The following LAMA3 variants were observed in gnomAD, a reference collection of about 807,000 sequenced individuals.
The protein encoded by LAMA3 is laminin subunit alpha-3.
LAMA3 carries 281 observed loss-of-function variants against 402.0 expected under a neutral mutation model. That is an observed-to-expected ratio of 0.70 (90% confidence interval 0.63 to 0.77). The LOEUF (loss-of-function observed/expected upper bound fraction) is 0.77, where lower values mean the gene tolerates loss of function less well. Ranked by LOEUF, LAMA3 falls within the 30% of genes least tolerant of loss-of-function variation. The pLI is 0.00. For missense variants in LAMA3, 3,840 were observed against 4,215.5 expected, an observed-to-expected ratio of 0.91 and a Z score of 2.47; for synonymous variants, 1,431 against 1,558.4, an observed-to-expected ratio of 0.92 and a Z score of 1.93.
rs1555708549 is a variant in LAMA3 at position 23,839,930 on chromosome 18, G to A, written c.3336+1G>A. On this transcript the variant is annotated splice_donor_variant, in intron 27 of 74. Transcript: ENST00000313654. LOFTEE classifies it high-confidence loss of function. The surrounding 1 kb of genome is among the most constrained non-coding windows in gnomAD (Gnocchi z 4.5). Reference sequence around the variant, plus strand: ...TGGGGTCACCTTGAAGGCACCGCAGGTAGTGTGCTGTTTCTAAACCAGTGG... The same window carrying A: ...TGGGGTCACCTTGAAGGCACCGCAGATAGTGTGCTGTTTCTAAACCAGTGG... The A allele has an allele frequency of 6.2e-7, 1 of 1,614,126 alleles. No individual in the cohort carries two copies. Among genetic ancestry groups the A allele is most frequent in the Non-Finnish European group, 8.5e-7 (1 of 1,180,004 alleles).
intron 36 of LAMA3, 21 bp downstream of exon 36, chr18:23,864,904 T>G (rs779348632): frequency 2.2e-5 from 34 of 1,520,076 alleles, no homozygotes; most frequent in East Asian, 1.3e-4. Context: ...GAGCATGACC[T>G]AAGTGGCAGG....
intron 12 of LAMA3, among the ~76,000 whole-genome samples, chr18:23,802,193 T>C (rs2062877725): frequency 6.6e-6 from 1 of 152,242 alleles, no homozygotes; most frequent in South Asian, 2.1e-4. Flanking sequence ...TCAGGTATAA[T>C]GCAAATATTC....
chr18:23,954,720 CT>C lies in LAMA3; in HGVS notation c.*73del, dbSNP rs2083054607. Reference sequence around the variant, plus strand: ...TTACCCAATGCACCTCCCTCCCCAGCTCGAGATCATTCTTCACTCAGGACAC... The same window carrying C: ...TTACCCAATGCACCTCCCTCCCCAGCCGAGATCATTCTTCACTCAGGACAC... On this transcript the variant is annotated 3_prime_UTR_variant, in exon 75 of 75. Coordinates refer to ENST00000313654, the MANE Select transcript of LAMA3 (RefSeq NM_198129.4). 6.7e-7 allele frequency: 1 copy of C among 1,485,324 alleles called. No individual in the cohort carries two copies. Among genetic ancestry groups the C allele is most frequent in the African/African-American group, 1.4e-5 (1 of 72,076 alleles). The allele number at this position is 1,485,324 out of a possible 1,614,324, so 92.0% of individuals were successfully genotyped here.
At chr18:23,841,452 G>T (rs899794952) in intron 27 of LAMA3, among the ~76,000 whole-genome samples, 4 of 152,122 alleles carry the variant, frequency 2.6e-5, no homozygotes, top group Non-Finnish European at 1.5e-5. Context: ...GGGCCAGCCA[G>T]GGCCATCCAG....
At chr18:23,747,417 A>G (rs2061671592) in intron 2 of LAMA3, among the ~76,000 whole-genome samples, 1 of 152,180 alleles carries the variant, frequency 6.6e-6, no homozygotes, top group Non-Finnish European at 1.5e-5. Flanking sequence ...AGGGAGAACA[A>G]TCAGGAAAAG....
intron 12 of LAMA3, among the ~76,000 whole-genome samples, chr18:23,800,049 G>T (rs1003798909): frequency 6.6e-6 from 1 of 152,180 alleles, no homozygotes; most frequent in Admixed American, 6.5e-5. Flanking sequence ...TGACATTTAG[G>T]CTGGCATTTG....
At chr18:23,942,680 C>T (rs1401934733) in intron 68 of LAMA3, among the ~76,000 whole-genome samples, 8 of 151,422 alleles carry the variant, frequency 5.3e-5, no homozygotes, top group African/African-American at 1.9e-4. Flanking sequence ...TGGGTTCAAG[C>T]GATTCTCCTG....
chr18:23,886,490 T>A (rs80225413), intron 41 of LAMA3, among the ~76,000 whole-genome samples: 11 of 151,936 alleles, frequency 7.2e-5, no homozygotes, highest in Non-Finnish European at 7.4e-5. Context: ...TTTTTTTTTT[T>A]AATTAGCCAA....
chr18:23,732,948 T>C (rs974815469), intron 2 of LAMA3, among the ~76,000 whole-genome samples: 1 of 152,170 alleles, frequency 6.6e-6, no homozygotes, highest in African/African-American at 2.4e-5. Context: ...TCTGCTTGAC[T>C]AATCCTTCTG....
At chr18:23,889,912 GT>G in intron 41 of LAMA3, 98 bp from the exon 42 acceptor site, 1 of 895,904 alleles carries the variant, frequency 1.1e-6, no homozygotes, top group Non-Finnish European at 1.9e-6. Flanking sequence ...CACCCATTGG[GT>G]TACAATATCC....
intron 23 of LAMA3, among the ~76,000 whole-genome samples, chr18:23,833,409 A>G (rs1006477732): frequency 6.6e-6 from 1 of 152,140 alleles, no homozygotes; most frequent in Non-Finnish European, 1.5e-5. Flanking sequence ...AAAAACAATT[A>G]AAGAGCCCAA....
intron 55 of LAMA3, among the ~76,000 whole-genome samples, chr18:23,909,984 C>G (rs2081378803): frequency 6.6e-6 from 1 of 152,186 alleles, no homozygotes; most frequent in African/African-American, 2.4e-5. Flanking sequence ...GCCTCAGAAT[C>G]TGCCCTTTCT....
At chr18:23,882,697 T>A (rs2064941497) in intron 40 of LAMA3, among the ~76,000 whole-genome samples, 1 of 152,170 alleles carries the variant, frequency 6.6e-6, no homozygotes. Flanking sequence ...TCTTTTACTG[T>A]TCATTCAGTG....
intron 69 of LAMA3, among the ~76,000 whole-genome samples, chr18:23,945,086 TCA>T: frequency 6.6e-6 from 1 of 151,642 alleles, no homozygotes; most frequent in East Asian, 1.9e-4. Context: ...TGAGCCGAGA[TCA>T]CACCACTGCA....
At chr18:23,860,896 T>C (rs1036519570) in intron 34 of LAMA3, among the ~76,000 whole-genome samples, 1 of 151,972 alleles carries the variant, frequency 6.6e-6, no homozygotes, top group Admixed American at 6.6e-5. Flanking sequence ...TTCACCATGT[T>C]GGCCAGACAG....
chr18:23,794,503 C>T (rs2062725161), intron 12 of LAMA3, among the ~76,000 whole-genome samples: 1 of 152,220 alleles, frequency 6.6e-6, no homozygotes, highest in Non-Finnish European at 1.5e-5. Context: ...CCCACTCCTA[C>T]CACTCACCTC....
chr18:23,752,261 T>C (rs1048540454), intron 5 of LAMA3, among the ~76,000 whole-genome samples: 2 of 152,098 alleles, frequency 1.3e-5, no homozygotes, highest in African/African-American at 2.4e-5. Flanking sequence ...CCGGGCTGTG[T>C]TTCTGTTCCT....
chr18:23,883,899 A>G (rs1415492792), intron 40 of LAMA3, among the ~76,000 whole-genome samples: 1 of 152,210 alleles, frequency 6.6e-6, no homozygotes, highest in East Asian at 1.9e-4. Flanking sequence ...TCCTTCCTGC[A>G]ATATTAATAG....
intron 31 of LAMA3, 43 bp from the exon 32 acceptor site, chr18:23,847,421 C>A: frequency 6.3e-7 from 1 of 1,591,090 alleles, no homozygotes; most frequent in Non-Finnish European, 8.5e-7. Context: ...GGAGCCCAGG[C>A]GGCCTTTGAC....
Sources: allele counts gnomAD v4.1 joint callset (sites outside exome capture counted in the v4.1 genomes callset), GRCh38; gene constraint gnomAD v4.1.1; non-coding constraint Gnocchi (gnomAD v3.1); transcripts MANE v1.5; gene names NCBI Gene and HGNC (gene_info 2026-07-23, HGNC 2026-07-21).